Variants in ITGB2 observed in about 807,000 individuals in gnomAD.
ITGB2 encodes integrin subunit beta 2, also known as integrin beta-2.
ITGB2 carries 56 observed loss-of-function variants against 86.8 expected under a neutral mutation model. The observed-to-expected ratio is 0.65, with a 90% CI of 0.52 to 0.81. ITGB2 has a LOEUF of 0.81. Among genes scored for constraint, ITGB2 ranks in the 30% least tolerant of loss-of-function variants. The pLI, the probability that ITGB2 is intolerant of heterozygous loss-of-function variation, is 0.00. For synonymous variants in ITGB2, 457 were observed against 450.4 expected (o/e 1.01, Z -0.19); for missense variants, 948 against 1,061.2 (o/e 0.89, Z 1.48).
intron 14 of ITGB2, among the ~76,000 whole-genome samples, chr21:44,888,031 A>C (rs1403590675): frequency 6.6e-6 from 1 of 152,232 alleles, no homozygotes; most frequent in Non-Finnish European, 1.5e-5. Context: ...AAGCAGGGCC[A>C]GTGTCACCAA....
At chr21:44,906,646 A>T (rs774102585) in intron 4 of ITGB2, among the ~76,000 whole-genome samples, 1 of 152,164 alleles carries the variant, frequency 6.6e-6, no homozygotes, top group Non-Finnish European at 1.5e-5. Context: ...CCTTTAAAAA[A>T]AAAAGGTGCA....
chr21:44,920,460 C>A (rs1265523286), intron 1 of ITGB2, among the ~76,000 whole-genome samples: 1 of 152,182 alleles, frequency 6.6e-6, no homozygotes, highest in South Asian at 2.1e-4. Flanking sequence ...AGAGGAGGCC[C>A]CGGGAACCTG....
At chr21:44,914,571 G>A (rs796916370) in intron 1 of ITGB2, among the ~76,000 whole-genome samples, 3 of 152,162 alleles carry the variant, frequency 2.0e-5, no homozygotes, top group Non-Finnish European at 2.9e-5. Context: ...CAGCAGATCC[G>A]GGCCAAATCA....
intron 14 of ITGB2, 102 bp from the exon 15 acceptor site, chr21:44,887,004 C>G (rs985967552): frequency 6.9e-7 from 1 of 1,441,316 alleles, no homozygotes; most frequent in Non-Finnish European, 9.5e-7. Flanking sequence ...CTTAGAGAGA[C>G]GGAGGTTCCC....
intron 5 of ITGB2, 82 bp downstream of exon 5, chr21:44,903,283 C>A (rs1380357467): frequency 1.3e-6 from 2 of 1,552,432 alleles, no homozygotes; most frequent in Non-Finnish European, 1.8e-6. Context: ...GACCTGAGTG[C>A]GAGGAGTTGT....
At chr21:44,902,845 C>T (rs558500717) in intron 5 of ITGB2, among the ~76,000 whole-genome samples, 15 of 152,286 alleles carry the variant, frequency 9.8e-5, no homozygotes, top group South Asian at 2.1e-4. Context: ...TGTGCATCCC[C>T]GCATGTAGGG....
At chr21:44,926,867 G>C (rs1427767738) in intron 1 of ITGB2, 1 of 152,312 alleles carries the variant, frequency 6.6e-6, no homozygotes, top group African/African-American at 2.4e-5. Context: ...TTGCCTGGCA[G>C]ACCTGCGTGC....
intron 3 of ITGB2, among the ~76,000 whole-genome samples, chr21:44,909,119 G>A (rs1219049144): frequency 6.6e-6 from 1 of 152,232 alleles, no homozygotes; most frequent in Non-Finnish European, 1.5e-5. Flanking sequence ...CTCCGCGGAT[G>A]CTGAGCCTGC....
upstream of ITGB2, among the ~76,000 whole-genome samples, chr21:44,925,286 T>C (rs1322796084): frequency 6.6e-6 from 1 of 151,952 alleles, no homozygotes; most frequent in East Asian, 1.9e-4. Context: ...TCTTTCTTTC[T>C]TTTTTTAATA....
At chr21:44,895,734 A>C (rs967351811) in intron 8 of ITGB2, among the ~76,000 whole-genome samples, 2 of 151,342 alleles carry the variant, frequency 1.3e-5, no homozygotes, top group East Asian at 3.9e-4. Context: ...CCAGCTACTC[A>C]GGAGACTGAG....
chr21:44,926,494 G>A (rs964544115), intron 1 of ITGB2, among the ~76,000 whole-genome samples: 4 of 152,174 alleles, frequency 2.6e-5, no homozygotes, highest in Non-Finnish European at 4.4e-5. Context: ...TAGCAGCACC[G>A]GCAACCGGCA....
chr21:44,922,365 AT>A (rs917329466), upstream of ITGB2, among the ~76,000 whole-genome samples: 4 of 152,168 alleles, frequency 2.6e-5, no homozygotes, highest in Non-Finnish European at 1.5e-5. Flanking sequence ...CTGAAAAAAA[AT>A]ATGACAAATC....
At chr21:44,903,825 C>T (rs971358721) in intron 4 of ITGB2, among the ~76,000 whole-genome samples, 9 of 152,120 alleles carry the variant, frequency 5.9e-5, no homozygotes, top group Non-Finnish European at 1.2e-4. Context: ...ATTGGGGACG[C>T]CTTTCATTGA....
chr21:44,899,077 T>C lies in ITGB2; in HGVS notation c.983A>G (p.Lys328Arg), dbSNP rs2083909689. 1 of 1,613,528 alleles carries C rather than the reference T, an allele frequency of 6.2e-7. No homozygotes were observed. The highest frequency in any genetic ancestry group is 2.2e-5 in the East Asian group (1 of 44,890). The change falls in exon 8 of 16, where the codon AAG becomes AGG. Residue 328 changes from lysine to arginine, a missense_variant. Coordinates refer to ENST00000652462, the MANE Select transcript of ITGB2 (RefSeq NM_000211.5). ...PIFAVTSRMV[K>R]TYEKLTEIIP... ...CCCAACAGCACTCACCTCGTAGGTC[T>C]TCACCATCCTACTGGTCACCGCGAA...
At chr21:44,910,431 G>T (rs1480597464) in intron 2 of ITGB2, 59 bp from the exon 3 acceptor site, 4 of 1,611,932 alleles carry the variant, frequency 2.5e-6, no homozygotes, top group Non-Finnish European at 3.4e-6. Flanking sequence ...CACACCCAAG[G>T]GGGAGTAGAG....
At chr21:44,921,300 G>C (rs1201622782), upstream of ITGB2, 1 of 152,290 alleles carries the variant, frequency 6.6e-6, no homozygotes, top group Non-Finnish European at 1.5e-5. Flanking sequence ...AGAATGGAGC[G>C]GAGGAACCAG....
intron 8 of ITGB2, among the ~76,000 whole-genome samples, chr21:44,897,770 G>C (rs969456971): frequency 6.6e-6 from 1 of 152,132 alleles, no homozygotes; most frequent in Non-Finnish European, 1.5e-5. Flanking sequence ...GAAGAACGGG[G>C]CACGTGGCTG....
rs1017270767 is a variant in ITGB2 at position 44,900,251 on chromosome 21, C to G, written c.897+69G>C. The G allele has an allele frequency of 1.9e-6, 3 of 1,584,230 alleles. No homozygotes were observed. In the African/African-American group the frequency reaches 4.0e-5, roughly 21 times the overall value. ...GAAGGAGGCTCTGTCAGGTGGAGACCCCACCCTTGTCTCCTCCGTCAGTGG... is the reference window on the plus strand; with the variant it reads ...GAAGGAGGCTCTGTCAGGTGGAGACGCCACCCTTGTCTCCTCCGTCAGTGG... On this transcript the variant is annotated intron_variant, in intron 7 of 15. Coordinates refer to ENST00000652462, the MANE Select transcript of ITGB2 (RefSeq NM_000211.5).
At position 44,893,504 on chromosome 21, in the gene ITGB2, G is replaced by A; in HGVS notation, c.1124C>T (p.Pro375Leu). 6.2e-7 allele frequency: 1 copy of A among 1,614,120 alleles called. No individual in the cohort carries two copies. The highest frequency in any genetic ancestry group is 8.5e-7 in the Non-Finnish European group (1 of 1,179,986). Residue 375 changes from proline (P) to leucine (L), a missense_variant, in exon 10 of 16, where the codon CCC becomes CTC. Transcript: ENST00000652462. ...SRVFLDHNAL[P>L]DTLKVTYDSF... ...GTCGTAGGTGACTTTCAGGGTGTCG[G>A]GGAGGGCGTTGTGATCCAGGAAGAC...
Sources: gnomAD v4.1 joint callset for allele counts (sites outside exome capture counted in the v4.1 genomes callset) on GRCh38, gnomAD v4.1.1 for gene constraint, MANE v1.5 for transcripts, NCBI Gene and HGNC (gene_info 2026-07-23, HGNC 2026-07-21) for gene names.